The following RUNX1 variants were observed in gnomAD, a reference collection of about 807,000 sequenced individuals.
The protein encoded by RUNX1 is RUNX family transcription factor 1, also known as runt-related transcription factor 1.
Under a neutral mutation model 42.8 loss-of-function variants are expected in RUNX1, and 19 were observed. The ratio of observed to expected loss-of-function variants is 0.44; its 90% CI spans 0.31 to 0.65. The LOEUF is 0.65. RUNX1 is among the 30% of genes least tolerant of loss of function. RUNX1 has a pLI of 0.07. For missense variants in RUNX1, 528 were observed against 672.0 expected, an observed-to-expected ratio of 0.79 and a Z score of 2.37; for synonymous variants, 271 against 289.4, an observed-to-expected ratio of 0.94 and a Z score of 0.64.
chr21:34,833,869 T>A lies in RUNX1; in HGVS notation c.805+541A>T, dbSNP rs564094538. 242 of 241,042 alleles carry A rather than the reference T, an allele frequency of 1.0e-3. 2 individuals are homozygous for A. Among genetic ancestry groups the A allele is most frequent in the African/African-American group, 5.0e-3 (228 of 45,380 alleles). 14.9% of individuals were successfully genotyped at this position (241,042 alleles called of 1,614,324 possible). ...GCCCCATGGGCTGGGGGGACCTGCATTCTCTATTGATTTGCAAATAACACC... is the reference window on the plus strand; with the variant it reads ...GCCCCATGGGCTGGGGGGACCTGCAATCTCTATTGATTTGCAAATAACACC... On this transcript the variant is annotated intron_variant, in intron 7 of 8. Transcript: ENST00000675419.
At chr21:34,831,746 A>C (rs1048137329) in intron 7 of RUNX1, among the ~76,000 whole-genome samples, 1 of 152,226 alleles carries the variant, frequency 6.6e-6, no homozygotes, top group Non-Finnish European at 1.5e-5. Flanking sequence ...TTCAGGGCTG[A>C]GCCTGGAAAA....
Position 34,850,278 on chromosome 21 carries a change from C to T in RUNX1, c.613+9196G>A, listed in dbSNP as rs1601450675. Reference sequence around the variant, plus strand: ...CCTGACCATCTCAGACTGGGGCTGCCCCATCAGACCCCCAAAGGACACAGG... The same window carrying T: ...CCTGACCATCTCAGACTGGGGCTGCTCCATCAGACCCCCAAAGGACACAGG... On this transcript the variant is annotated intron_variant, in intron 6 of 8. Transcript: ENST00000675419. Among the ~76,000 whole-genome samples, 3 of 152,174 alleles carry T rather than the reference C, an allele frequency of 2.0e-5. No homozygotes were observed. The South Asian group carries it at 6.2e-4, about 31-fold the overall frequency.
chr21:34,834,383 G>A (rs754021006), intron 7 of RUNX1, 27 bp downstream of exon 7: 126 of 1,608,200 alleles, frequency 7.8e-5, no homozygotes, highest in Admixed American at 1.3e-4. Flanking sequence ...CAGGAGAGGC[G>A]GGCAGTGGGC....
chr21:34,922,007 G>C (rs1218833458), intron 2 of RUNX1, among the ~76,000 whole-genome samples: 1 of 152,160 alleles, frequency 6.6e-6, no homozygotes, highest in Non-Finnish European at 1.5e-5. Flanking sequence ...TGGCAGGATA[G>C]GATAATATTA....
intron 2 of RUNX1, among the ~76,000 whole-genome samples, chr21:34,905,970 A>G (rs1419836055): frequency 3.3e-5 from 5 of 152,230 alleles, no homozygotes; most frequent in Non-Finnish European, 7.3e-5. Context: ...ACTCCTCTAT[A>G]GCAACCTATA....
chr21:34,797,155 C>CT (rs1215920560), intron 8 of RUNX1, among the ~76,000 whole-genome samples: 1 of 152,218 alleles, frequency 6.6e-6, no homozygotes, highest in African/African-American at 2.4e-5. Context: ...GAAGAGCAGT[C>CT]TCCCATACTG....
intron 2 of RUNX1, among the ~76,000 whole-genome samples, chr21:34,913,409 G>C (rs1416407448): frequency 2.0e-5 from 3 of 152,242 alleles, no homozygotes; most frequent in Non-Finnish European, 4.4e-5. Context: ...GCAGATGGAA[G>C]TGGATCTCCT....
At chr21:34,805,432 CA>C (rs564834226) in intron 7 of RUNX1, among the ~76,000 whole-genome samples, 1 of 151,902 alleles carries the variant, frequency 6.6e-6, no homozygotes, top group South Asian at 2.1e-4. Flanking sequence ...ATTTAAACTG[CA>C]AAAAACCAAA....
intron 2 of RUNX1, among the ~76,000 whole-genome samples, chr21:34,968,615 G>A (rs983729028): frequency 6.6e-6 from 1 of 151,946 alleles, no homozygotes; most frequent in South Asian, 2.1e-4. Flanking sequence ...ATATCAGTAC[G>A]GGGTGTAGAT....
intron 8 of RUNX1, among the ~76,000 whole-genome samples, chr21:34,794,218 T>A (rs1316428621): frequency 6.6e-6 from 1 of 152,126 alleles, no homozygotes; most frequent in African/African-American, 2.4e-5. Context: ...TAATAATACA[T>A]TACACATAGT....
At chr21:35,042,266 C>T (rs1295424861) in intron 2 of RUNX1, among the ~76,000 whole-genome samples, 1 of 152,220 alleles carries the variant, frequency 6.6e-6, no homozygotes, top group Non-Finnish European at 1.5e-5. Context: ...AAATATTCAC[C>T]CTTGGCATCC....
chr21:35,032,092 G>A (rs989266265), intron 2 of RUNX1, among the ~76,000 whole-genome samples: 5 of 152,172 alleles, frequency 3.3e-5, no homozygotes, highest in Non-Finnish European at 7.4e-5. Flanking sequence ...GGGTGATCAG[G>A]AGCACCAGCT....
chr21:34,931,300 CAAGTT>C (rs988348203), intron 2 of RUNX1, among the ~76,000 whole-genome samples: 103 of 148,518 alleles, frequency 6.9e-4, no homozygotes, highest in Non-Finnish European at 1.6e-4. Context: ...CATTTGAAAA[CAAGTT>C]AATCAACATG....
At chr21:34,991,596 T>C (rs1454149583) in intron 2 of RUNX1, among the ~76,000 whole-genome samples, 1 of 152,188 alleles carries the variant, frequency 6.6e-6, no homozygotes, top group Non-Finnish European at 1.5e-5. Flanking sequence ...CTGTTATTTC[T>C]GTTTTACAGG....
At chr21:34,941,405 T>C (rs369344461) in intron 2 of RUNX1, among the ~76,000 whole-genome samples, 32 of 152,358 alleles carry the variant, frequency 2.1e-4, no homozygotes, top group African/African-American at 7.7e-4. Context: ...AGCTCTCTGT[T>C]CTTTCATGTG....
chr21:34,790,086 A>C lies in RUNX1; in HGVS notation c.*2049T>G, dbSNP rs1324501823. On this transcript the variant is annotated 3_prime_UTR_variant, in exon 9 of 9. Coordinates refer to ENST00000675419, the MANE Select transcript of RUNX1 (RefSeq NM_001754.5). ...ACTGAGTTGTGGAGGGAATCCTGTC[A>C]AAAATGAAAGTGAATATATTCTGAG... 1 of 233,062 alleles carries C rather than the reference A, an allele frequency of 4.3e-6. No individual in the cohort carries two copies. The highest frequency in any genetic ancestry group is 8.5e-6 in the Non-Finnish European group (1 of 117,878). The allele number at this position is 233,062 out of a possible 1,614,324, so 14.4% of individuals were successfully genotyped here.
intron 6 of RUNX1, 89 bp from the exon 7 acceptor site, chr21:34,834,690 T>G: frequency 8.3e-7 from 1 of 1,203,744 alleles, no homozygotes; most frequent in Non-Finnish European, 1.2e-6. Flanking sequence ...TTCCTAAAAC[T>G]GGGGCTTTTC....
intron 7 of RUNX1, among the ~76,000 whole-genome samples, chr21:34,800,013 G>T (rs1256857908): frequency 2.0e-5 from 3 of 152,170 alleles, no homozygotes; most frequent in Non-Finnish European, 4.4e-5. Flanking sequence ...TGACAGGAAA[G>T]AAGGTCTGGC....
At chr21:34,837,541 T>C (rs1281550227) in intron 6 of RUNX1, among the ~76,000 whole-genome samples, 1 of 152,220 alleles carries the variant, frequency 6.6e-6, no homozygotes, top group Non-Finnish European at 1.5e-5. Flanking sequence ...CTGGGGAAAA[T>C]GAATACTTTA....
Sources: allele counts gnomAD v4.1 joint callset (sites outside exome capture counted in the v4.1 genomes callset), GRCh38; gene constraint gnomAD v4.1.1; transcripts MANE v1.5; gene names NCBI Gene and HGNC (gene_info 2026-07-23, HGNC 2026-07-21).